DDR2: variants seen among roughly 807,000 people sequenced by gnomAD.
DDR2 encodes discoidin domain-containing receptor 2.
In DDR2, 27 loss-of-function variants were observed where a neutral mutation model predicts 94.9. The observed-to-expected ratio is 0.28, with a 90% CI of 0.21 to 0.39. DDR2 has a LOEUF of 0.39. Ranked by LOEUF, DDR2 falls within the 10% of genes least tolerant of loss-of-function variation. The pLI is 1.00. For missense variants in DDR2, 783 were observed against 1,076.0 expected, an observed-to-expected ratio of 0.73 and a Z score of 3.81; for synonymous variants, 382 against 377.2, an observed-to-expected ratio of 1.01 and a Z score of -0.15.
chr1:162,684,869 C>A (rs1322383541), intron 2 of DDR2, among the ~76,000 whole-genome samples: 6 of 149,204 alleles, frequency 4.0e-5, no homozygotes, highest in African/African-American at 1.5e-4. Flanking sequence ...ATGAATAGCA[C>A]CCTTAGCACC....
intron 2 of DDR2, among the ~76,000 whole-genome samples, chr1:162,658,750 C>T (rs1262113078): frequency 6.6e-6 from 1 of 150,606 alleles, no homozygotes; most frequent in Admixed American, 6.7e-5. Flanking sequence ...ATGGTTTGAG[C>T]CTGGGAGGTT....
chr1:162,778,863 C>G, intron 17 of DDR2, 134 bp downstream of exon 17: 1 of 1,219,292 alleles, frequency 8.2e-7, no homozygotes, highest in Non-Finnish European at 1.2e-6. Context: ...CACTAACTAT[C>G]CAGATGATGT....
chr1:162,748,001 T>C (rs1223107331), intron 3 of DDR2, among the ~76,000 whole-genome samples: 1 of 152,030 alleles, frequency 6.6e-6, no homozygotes, highest in African/African-American at 2.4e-5. Context: ...CTGAAGGAAG[T>C]GCTAAACATG....
intron 3 of DDR2, among the ~76,000 whole-genome samples, chr1:162,720,124 G>T (rs1001719492): frequency 4.0e-5 from 6 of 150,870 alleles, no homozygotes; most frequent in East Asian, 1.9e-4. Context: ...GGTCTGGGAT[G>T]CAGGTATTGG....
intron 1 of DDR2, among the ~76,000 whole-genome samples, chr1:162,643,523 C>T (rs906998461): frequency 6.6e-6 from 1 of 152,032 alleles, no homozygotes; most frequent in Non-Finnish European, 1.5e-5. Flanking sequence ...GCTCTGTCAC[C>T]CAGGCTGGAG....
At chr1:162,729,295 TATATA>T (rs141707688) in intron 3 of DDR2, among the ~76,000 whole-genome samples, 3 of 22,076 alleles carry the variant, frequency 1.4e-4, no homozygotes, top group African/African-American at 3.8e-4. Context: ...TATATATATA[TATATA>T]TTTTTTTTTT....
intron 2 of DDR2, among the ~76,000 whole-genome samples, chr1:162,701,435 G>A (rs1390266360): frequency 6.6e-6 from 1 of 152,228 alleles, no homozygotes; most frequent in Non-Finnish European, 1.5e-5. Context: ...TATGGCTCTT[G>A]GCCATAAACT....
At chr1:162,666,602 T>C (rs1329658221) in intron 2 of DDR2, among the ~76,000 whole-genome samples, 1 of 152,170 alleles carries the variant, frequency 6.6e-6, no homozygotes, top group Non-Finnish European at 1.5e-5. Flanking sequence ...GGTTAGTGAT[T>C]AAAAATGTGT....
At chr1:162,660,014 A>G (rs1309694275) in intron 2 of DDR2, among the ~76,000 whole-genome samples, 2 of 152,096 alleles carry the variant, frequency 1.3e-5, no homozygotes, top group Admixed American at 6.5e-5. Flanking sequence ...AACGTTAAGT[A>G]TTTCTTGCTG....
chr1:162,714,238 G>A (rs1056255591), intron 2 of DDR2, among the ~76,000 whole-genome samples: 3 of 152,046 alleles, frequency 2.0e-5, no homozygotes, highest in African/African-American at 4.8e-5. Flanking sequence ...TACATGTTAT[G>A]TTTATGATGT....
intron 1 of DDR2, among the ~76,000 whole-genome samples, chr1:162,636,529 G>A (rs1369218672): frequency 2.0e-5 from 3 of 152,186 alleles, no homozygotes; most frequent in East Asian, 3.8e-4. Context: ...TGTAGTGTGA[G>A]TGAGAGGGAG....
At chr1:162,752,041 T>C (rs1558064662) in intron 3 of DDR2, among the ~76,000 whole-genome samples, 1 of 151,872 alleles carries the variant, frequency 6.6e-6, no homozygotes, top group Non-Finnish European at 1.5e-5. Flanking sequence ...GAAATACCTA[T>C]TGTAAATGAC....
chr1:162,655,044 G>A (rs1313517672), intron 1 of DDR2, among the ~76,000 whole-genome samples, 167 bp from the exon 2 acceptor site: 2 of 151,986 alleles, frequency 1.3e-5, no homozygotes, highest in Non-Finnish European at 2.9e-5. Flanking sequence ...ATCAGTTTAG[G>A]TATAAACAAC....
chr1:162,637,656 G>A (rs1375961242), intron 1 of DDR2, among the ~76,000 whole-genome samples: 1 of 152,076 alleles, frequency 6.6e-6, no homozygotes, highest in African/African-American at 2.4e-5. Flanking sequence ...TGTTTATAAT[G>A]TTATGTAGCT....
chr1:162,696,162 G>A (rs543465786), intron 2 of DDR2, among the ~76,000 whole-genome samples: 1 of 150,660 alleles, frequency 6.6e-6, no homozygotes, highest in Non-Finnish European at 1.5e-5. Flanking sequence ...TCTTCTGACC[G>A]ACAGAAGACA....
At chr1:162,689,158 A>G (rs1211768924) in intron 2 of DDR2, among the ~76,000 whole-genome samples, 2 of 152,158 alleles carry the variant, frequency 1.3e-5, no homozygotes, top group African/African-American at 4.8e-5. Context: ...GCCAGTTGCA[A>G]CATAGTCTTC....
chr1:162,755,807 C>G (rs1031293850), intron 7 of DDR2, 38 bp downstream of exon 7: 1 of 1,509,042 alleles, frequency 6.6e-7, no homozygotes, highest in East Asian at 2.3e-5. Flanking sequence ...GGGAAATTGG[C>G]CACTAAGAAA....
chr1:162,721,149 G>A (rs7516390), intron 3 of DDR2, among the ~76,000 whole-genome samples: 20,712 of 152,114 alleles, frequency 0.14, 1,573 homozygotes, highest in African/African-American at 0.2. Flanking sequence ...TGAGTGCATG[G>A]AATGGTGGGA....
intron 3 of DDR2, among the ~76,000 whole-genome samples, chr1:162,721,441 C>G (rs1661418664): frequency 6.6e-6 from 1 of 152,144 alleles, no homozygotes; most frequent in Non-Finnish European, 1.5e-5. Flanking sequence ...CTTCTCTCTG[C>G]CATTTCTTTC....
Sources: allele counts gnomAD v4.1 joint callset (sites outside exome capture counted in the v4.1 genomes callset), GRCh38; gene constraint gnomAD v4.1.1; transcripts MANE v1.5; gene names NCBI Gene and HGNC (gene_info 2026-07-23, HGNC 2026-07-21).